Variants in NRXN1 observed in about 807,000 individuals in gnomAD.
NRXN1 encodes the protein neurexin-1.
Under a neutral mutation model 150.9 loss-of-function variants are expected in NRXN1, and 39 were observed. That is an observed-to-expected ratio of 0.26 (90% CI 0.20 to 0.34). The LOEUF is 0.34. Ranked by LOEUF, NRXN1 falls within the 10% of genes least tolerant of loss-of-function variation. NRXN1 has a pLI of 1.00. For synonymous variants in NRXN1, 924 were observed against 757.0 expected, an observed-to-expected ratio of 1.22 and a Z score of -3.62; for missense variants, 1,815 against 1,949.9, an observed-to-expected ratio of 0.93 and a Z score of 1.30.
intron 13 of NRXN1, among the ~76,000 whole-genome samples, chr2:50,500,741 T>G (rs984532863): frequency 8.5e-5 from 13 of 152,170 alleles, no homozygotes; most frequent in Non-Finnish European, 1.0e-4. Context: ...TGTGTTTGTA[T>G]AGAAATCTCA....
At position 50,524,516 on chromosome 2, in the gene NRXN1, T is replaced by TA. The variant is rs751319633; in HGVS notation, c.2374+4108dup. Among the ~76,000 whole-genome samples the TA allele has an allele frequency of 2.8e-4, 30 of 106,582 alleles. 2 individuals are homozygous for TA. The South Asian group carries it at 6.8e-3, about 24-fold the overall frequency. 69.9% of individuals were successfully genotyped at this position (106,582 alleles called of 152,430 possible). ...ATAAATAAATAAATAAATAAATAAA[T>TA]AAATAAAATAAAATAAACGAAGTGT... On this transcript the variant is annotated intron_variant, in intron 12 of 22. Coordinates refer to ENST00000401669, the MANE Select transcript of NRXN1 (RefSeq NM_001330078.2).
At chr2:50,169,596 C>G (rs1376855307) in intron 18 of NRXN1, among the ~76,000 whole-genome samples, 1 of 151,584 alleles carries the variant, frequency 6.6e-6, no homozygotes, top group East Asian at 1.9e-4. Context: ...ACCTGTAATC[C>G]CAGCTACTCG....
At chr2:50,475,679 T>C (rs547096475) in intron 15 of NRXN1, among the ~76,000 whole-genome samples, 1 of 152,190 alleles carries the variant, frequency 6.6e-6, no homozygotes, top group South Asian at 2.1e-4. Flanking sequence ...TCATTTTCAT[T>C]ACTGAAGCTG....
At chr2:51,002,037 A>C (rs1197716717) in intron 2 of NRXN1, among the ~76,000 whole-genome samples, 1 of 151,936 alleles carries the variant, frequency 6.6e-6, no homozygotes, top group Non-Finnish European at 1.5e-5. Context: ...AATCATACCA[A>C]ATTTGTCCAT....
chr2:50,740,346 C>A (rs1264288528), intron 5 of NRXN1, among the ~76,000 whole-genome samples: 1 of 152,154 alleles, frequency 6.6e-6, no homozygotes, highest in Non-Finnish European at 1.5e-5. Context: ...CACCCAGCAT[C>A]CTAGTTTATC....
intron 5 of NRXN1, among the ~76,000 whole-genome samples, chr2:50,736,580 G>C (rs928226062): frequency 1.3e-5 from 2 of 152,118 alleles, no homozygotes; most frequent in Admixed American, 6.5e-5. Context: ...CATGGAAACT[G>C]GTTCTTGTGG....
intron 5 of NRXN1, among the ~76,000 whole-genome samples, chr2:50,796,546 A>G (rs988673309): frequency 6.6e-5 from 10 of 152,270 alleles, no homozygotes; most frequent in Admixed American, 6.5e-4. Context: ...GGCCTAAAGG[A>G]AAATTTCACA....
intron 21 of NRXN1, among the ~76,000 whole-genome samples, chr2:50,032,867 A>G (rs933709100): frequency 2.6e-5 from 4 of 151,832 alleles, no homozygotes; most frequent in Non-Finnish European, 5.9e-5. Context: ...CAGGCTCCCA[A>G]ACTGTAGCAT....
intron 5 of NRXN1, among the ~76,000 whole-genome samples, chr2:50,644,876 G>GGATATATAAATAAAAATA (rs1559066941): frequency 6.7e-6 from 1 of 149,094 alleles, no homozygotes; most frequent in African/African-American, 2.4e-5. Flanking sequence ...AATAAAAAAT[G>GGATATATAAATAAAAATA]TATTTATATT....
intron 17 of NRXN1, among the ~76,000 whole-genome samples, chr2:50,288,676 AC>A (rs1273013791): frequency 1.3e-5 from 2 of 152,058 alleles, no homozygotes; most frequent in Non-Finnish European, 2.9e-5. Context: ...CATTTATAAA[AC>A]CATATTATCT....
Position 50,552,980 on chromosome 2 carries a change from C to A in NRXN1, c.1366G>T (p.Ala456Ser). Reference sequence around the variant, plus strand: ...TTCATCTTAGGATCTCCTTGCTTGGCAAGTCGAGATAATTCCAGCCTCACA... The same window carrying A: ...TTCATCTTAGGATCTCCTTGCTTGGAAAGTCGAGATAATTCCAGCCTCACA... The part of the protein sequence containing the change: ...NDVRLELSRL[A>S]KQGDPKMKIH... The change falls in exon 9 of 23, where the codon GCC becomes TCC. Residue 456 changes from alanine to serine, a missense_variant. Transcript: ENST00000401669. 1 of 1,613,196 alleles carries A rather than the reference C, an allele frequency of 6.2e-7. No individual in the cohort carries two copies. Among genetic ancestry groups the A allele is most frequent in the Non-Finnish European group, 8.5e-7 (1 of 1,179,476 alleles).
chr2:50,851,242 G>T (rs367681330), intron 5 of NRXN1, among the ~76,000 whole-genome samples: 33 of 152,208 alleles, frequency 2.2e-4, no homozygotes, highest in African/African-American at 7.5e-4. Flanking sequence ...GGGGGTGAGG[G>T]TGAGGGGTGA....
chr2:49,973,666 C>A (rs1018631894), intron 21 of NRXN1: 2 of 378,044 alleles, frequency 5.3e-6, no homozygotes, highest in South Asian at 7.5e-5. Flanking sequence ...GTTTTTGCCA[C>A]AAGCATGCTG....
intron 17 of NRXN1, among the ~76,000 whole-genome samples, chr2:50,344,383 G>C (rs532485903): frequency 1.3e-5 from 2 of 152,134 alleles, no homozygotes; most frequent in Admixed American, 6.5e-5. Context: ...TTGCGCCTCT[G>C]ATTGAAAAAA....
chr2:50,776,246 T>G (rs1703618815), intron 5 of NRXN1, among the ~76,000 whole-genome samples: 1 of 152,128 alleles, frequency 6.6e-6, no homozygotes, highest in Non-Finnish European at 1.5e-5. Context: ...CAGAATGATT[T>G]ACTTCACAAA....
intron 5 of NRXN1, among the ~76,000 whole-genome samples, chr2:50,732,082 A>G (rs556817285): frequency 6.6e-6 from 1 of 152,324 alleles, no homozygotes; most frequent in South Asian, 2.1e-4. Flanking sequence ...CTTAATATAT[A>G]TCACCTTTCA....
In NRXN1 at chr2:49,921,613, T is replaced by C; in HGVS notation, c.*331A>G. ...TTGTGTTGGTTTTTGTGTTGTGCCT[T>C]GATGCTGTAGTACTCCTTTGCTTTA... On this transcript the variant is annotated 3_prime_UTR_variant, in exon 23 of 23. Transcript: ENST00000401669. 1 of 240,602 alleles carries C rather than the reference T, an allele frequency of 4.2e-6. No individual in the cohort carries two copies. Among genetic ancestry groups the C allele is most frequent in the South Asian group, 6.6e-5 (1 of 15,048 alleles). 14.9% of individuals were successfully genotyped at this position (240,602 alleles called of 1,614,324 possible).
At chr2:50,746,741 C>G (rs1700074560) in intron 5 of NRXN1, among the ~76,000 whole-genome samples, 1 of 152,078 alleles carries the variant, frequency 6.6e-6, no homozygotes, top group African/African-American at 2.4e-5. Flanking sequence ...TTGTCAGAGG[C>G]TCTTAAGGCT....
chr2:50,697,993 C>A (rs1335604778), intron 5 of NRXN1, among the ~76,000 whole-genome samples: 1 of 148,316 alleles, frequency 6.7e-6, no homozygotes, highest in African/African-American at 2.5e-5. Context: ...CAACACAACC[C>A]CATCTACACT....
Sources: allele counts gnomAD v4.1 joint callset (sites outside exome capture counted in the v4.1 genomes callset), GRCh38; gene constraint gnomAD v4.1.1; transcripts MANE v1.5; gene names NCBI Gene and HGNC (gene_info 2026-07-23, HGNC 2026-07-21).